The following LMO7 variants were observed in gnomAD, a reference collection of about 807,000 sequenced individuals.
LMO7 encodes the protein LIM domain only protein 7.
LMO7 carries 120 observed loss-of-function variants against 206.5 expected under a neutral mutation model. The observed-to-expected ratio is 0.58, with a 90% CI of 0.50 to 0.68. The LOEUF (loss-of-function observed/expected upper bound fraction) is 0.68. Among genes scored for constraint, LMO7 ranks in the 30% least tolerant of loss-of-function variants. LMO7 has a pLI of 0.00. For synonymous variants in LMO7, 706 were observed against 681.5 expected (o/e 1.04, Z -0.56); for missense variants, 1,959 against 1,957.9 (o/e 1.00, Z -0.01).
intron 21 of LMO7, 89 bp from the exon 22 acceptor site, chr13:75,840,302 A>G (rs2059466169): frequency 1.4e-6 from 2 of 1,478,020 alleles, no homozygotes; most frequent in African/African-American, 1.4e-5. Flanking sequence ...TGTGATATGA[A>G]TAATTTATGT....
rs112512807 is a variant in LMO7 at position 75,735,116 on chromosome 13, C to CGTGTGTGT, written c.210+8037_210+8044dup. 3.3e-3 allele frequency among the ~76,000 whole-genome samples: 480 copies of CGTGTGTGT among 145,654 alleles called. 2 individuals are homozygous for CGTGTGTGT. The highest frequency in any genetic ancestry group is 0.011 in the African/African-American group (450 of 39,276). On this transcript the variant is annotated intron_variant, in intron 3 of 30. Coordinates refer to ENST00000377534, the MANE Select transcript of LMO7 (RefSeq NM_001306080.2). ...CCGTCTCAAAAAAAAAAAAAAATTA[C>CGTGTGTGT]GTGTGTGTGTGTGTGTGTGTGTGTG...
chr13:75,738,374 AGCAATG>A (rs1240084533), intron 3 of LMO7, among the ~76,000 whole-genome samples: 1 of 152,212 alleles, frequency 6.6e-6, no homozygotes, highest in Non-Finnish European at 1.5e-5. Context: ...ATATCCCTTG[AGCAATG>A]GCAATACAGA....
chr13:75,680,961 C>CT (rs1293767803), intron 1 of LMO7, among the ~76,000 whole-genome samples: 18 of 151,550 alleles, frequency 1.2e-4, no homozygotes, highest in African/African-American at 4.1e-4. Context: ...GCATAAATGT[C>CT]TTTTTTCGAG....
At chr13:75,634,041 A>G (rs1175821084), upstream of LMO7, among the ~76,000 whole-genome samples, 1 of 149,176 alleles carries the variant, frequency 6.7e-6, no homozygotes, top group African/African-American at 2.5e-5. Context: ...GGGTTTCACC[A>G]TGTTGTCCAG....
At chr13:75,720,037 TA>T (rs1418086193) in intron 2 of LMO7, among the ~76,000 whole-genome samples, 2 of 152,218 alleles carry the variant, frequency 1.3e-5, no homozygotes, top group Non-Finnish European at 2.9e-5. Context: ...ACCATTCTAA[TA>T]AATGTGTAGT....
At chr13:75,661,627 G>C (rs894926114) in intron 1 of LMO7, among the ~76,000 whole-genome samples, 2 of 152,200 alleles carry the variant, frequency 1.3e-5, no homozygotes, top group Non-Finnish European at 2.9e-5. Context: ...CCTGTTTCCA[G>C]TTCCCGTTCC....
chr13:75,781,792 G>C (rs1020138003), intron 4 of LMO7, among the ~76,000 whole-genome samples: 7 of 152,008 alleles, frequency 4.6e-5, no homozygotes, highest in Non-Finnish European at 8.8e-5. Flanking sequence ...AGCACCTGTA[G>C]TTTCCTGACT....
chr13:75,760,447 C>T (rs760135814), intron 3 of LMO7: 15 of 1,165,336 alleles, frequency 1.3e-5, no homozygotes, highest in African/African-American at 1.6e-5. Flanking sequence ...ATTCCACAGT[C>T]GTTCTGTAAT....
intron 1 of LMO7, among the ~76,000 whole-genome samples, chr13:75,651,012 G>T (rs1290046703): frequency 6.6e-6 from 1 of 152,104 alleles, no homozygotes; most frequent in African/African-American, 2.4e-5. Context: ...TGTTTTATTC[G>T]AAGGATAAAA....
chr13:75,652,321 T>C (rs114941865), intron 1 of LMO7, among the ~76,000 whole-genome samples: 336 of 152,308 alleles, frequency 2.2e-3, no homozygotes, highest in African/African-American at 7.7e-3. Context: ...TCCCTACCCA[T>C]AGGACCTGTT....
chr13:75,840,998 T>G, intron 22 of LMO7, 111 bp from the exon 23 acceptor site: 1 of 662,076 alleles, frequency 1.5e-6, no homozygotes, highest in Non-Finnish European at 2.6e-6. Context: ...TAAATCATGG[T>G]CTTTAAAGGT....
intron 1 of LMO7, among the ~76,000 whole-genome samples, chr13:75,646,074 T>G (rs949916857): frequency 2.6e-5 from 4 of 152,148 alleles, no homozygotes; most frequent in African/African-American, 9.7e-5. Flanking sequence ...ACTACCCCTT[T>G]CCCACCCCTT....
At chr13:75,738,887 C>G (rs961570840) in intron 3 of LMO7, among the ~76,000 whole-genome samples, 1 of 152,148 alleles carries the variant, frequency 6.6e-6, no homozygotes, top group Admixed American at 6.5e-5. Context: ...AGCCTGGACC[C>G]CTCATGATTT....
At chr13:75,636,328 C>G, upstream of LMO7, 8 of 1,149,482 alleles carry the variant, frequency 7.0e-6, no homozygotes, top group Non-Finnish European at 8.6e-6. Flanking sequence ...CTTTTGAAGT[C>G]CAAACTGTCG....
chr13:75,783,271 C>G (rs142883256), intron 4 of LMO7, among the ~76,000 whole-genome samples: 5 of 152,300 alleles, frequency 3.3e-5, no homozygotes, highest in Non-Finnish European at 7.3e-5. Context: ...GTTGGTTACA[C>G]TTGCTAGAAA....
chr13:75,724,294 C>A (rs953225043), intron 2 of LMO7, among the ~76,000 whole-genome samples: 1 of 152,070 alleles, frequency 6.6e-6, no homozygotes, highest in Admixed American at 6.6e-5. Flanking sequence ...CTGTACTAAC[C>A]AAGCACATAA....
chr13:75,745,331 C>T (rs1054055199), intron 3 of LMO7, among the ~76,000 whole-genome samples: 1 of 152,054 alleles, frequency 6.6e-6, no homozygotes, highest in South Asian at 2.1e-4. Context: ...CATTGGTTGC[C>T]TGTGATGAAG....
chr13:75,710,435 G>T (rs1290882724), intron 1 of LMO7, among the ~76,000 whole-genome samples: 2 of 152,144 alleles, frequency 1.3e-5, no homozygotes, highest in African/African-American at 4.8e-5. Context: ...CATGAGCATG[G>T]AATGTTCTTC....
At chr13:75,730,887 C>G (rs1364851548) in intron 3 of LMO7, among the ~76,000 whole-genome samples, 1 of 145,052 alleles carries the variant, frequency 6.9e-6, no homozygotes, top group Non-Finnish European at 1.5e-5. Context: ...TCGTTATGTA[C>G]CCAGTAGTCA....
Sources: allele counts gnomAD v4.1 joint callset (sites outside exome capture counted in the v4.1 genomes callset), GRCh38; gene constraint gnomAD v4.1.1; transcripts MANE v1.5; gene names NCBI Gene and HGNC (gene_info 2026-07-23, HGNC 2026-07-21).